Variants in SGCZ observed in about 807,000 individuals in gnomAD.
SGCZ encodes the protein zeta-sarcoglycan.
In SGCZ, 40 loss-of-function variants were observed where a neutral mutation model predicts 41.3. That is an observed-to-expected ratio of 0.97 (90% CI 0.75 to 1.26). The LOEUF is 1.26. Among genes scored for constraint, SGCZ ranks in the 50% most tolerant of loss-of-function variants. The probability of loss-of-function intolerance (pLI) is 0.00; values close to 1 mark genes in which losing one functional copy is unlikely to be tolerated. For missense variants in SGCZ, 552 were observed against 369.8 expected, an observed-to-expected ratio of 1.49 and a Z score of -4.04; for synonymous variants, 206 against 137.5, an observed-to-expected ratio of 1.50 and a Z score of -3.49.
chr8:14,164,302 A>G (rs1173958190), intron 5 of SGCZ, among the ~76,000 whole-genome samples: 1 of 151,908 alleles, frequency 6.6e-6, no homozygotes, highest in Non-Finnish European at 1.5e-5. Flanking sequence ...CAGAATTTGC[A>G]TTTCATCTCC....
At chr8:14,691,021 T>C (rs1327830530) in intron 1 of SGCZ, among the ~76,000 whole-genome samples, 2 of 152,172 alleles carry the variant, frequency 1.3e-5, no homozygotes, top group African/African-American at 2.4e-5. Flanking sequence ...GTGAAAGAAA[T>C]ACATGAAGGA....
chr8:14,587,266 T>C (rs969524117), intron 1 of SGCZ, among the ~76,000 whole-genome samples: 1 of 151,670 alleles, frequency 6.6e-6, no homozygotes. Context: ...TATAGCCAGA[T>C]TTTTAAAAAA....
rs907956256 is a variant in SGCZ at position 14,866,608 on chromosome 8, G to C, written c.40-311682C>G. 1.8e-4 allele frequency among the ~76,000 whole-genome samples: 28 copies of C among 151,900 alleles called. 1 individual carries two copies. The highest frequency in any genetic ancestry group is 8.8e-5 in the Non-Finnish European group (6 of 67,986). ...GTAGATCGCTTGAGTCCAGGAGTTT[G>C]AGACCAGCCTGGGCAACACAGCAAA... On this transcript the variant is annotated intron_variant, in intron 1 of 7. Coordinates refer to ENST00000382080, the MANE Select transcript of SGCZ (RefSeq NM_139167.4).
intron 1 of SGCZ, among the ~76,000 whole-genome samples, chr8:14,587,270 T>TA (rs1306936374): frequency 2.0e-5 from 3 of 151,298 alleles, no homozygotes; most frequent in African/African-American, 7.3e-5. Context: ...GCCAGATTTT[T>TA]AAAAAACTGA....
chr8:14,208,704 G>GT (rs35450837), intron 4 of SGCZ, among the ~76,000 whole-genome samples: 6,464 of 151,946 alleles, frequency 0.043, 159 homozygotes, highest in Middle Eastern at 0.068. Context: ...ACTGCTATTT[G>GT]TTTTTATCAT....
intron 1 of SGCZ, among the ~76,000 whole-genome samples, chr8:14,657,062 G>C (rs189374320): frequency 6.6e-6 from 1 of 151,928 alleles, no homozygotes; most frequent in Non-Finnish European, 1.5e-5. Flanking sequence ...AAACTATTGT[G>C]CGTCACTCAT....
chr8:14,465,128 A>C (rs1405821985), intron 2 of SGCZ, among the ~76,000 whole-genome samples: 4 of 151,526 alleles, frequency 2.6e-5, no homozygotes, highest in Non-Finnish European at 4.4e-5. Flanking sequence ...CTAATTCCTT[A>C]CTTCTGATGT....
intron 2 of SGCZ, among the ~76,000 whole-genome samples, chr8:14,507,097 T>C (rs1802328237): frequency 7.3e-6 from 1 of 136,344 alleles, no homozygotes; most frequent in Admixed American, 7.0e-5. Context: ...AACTCAAAAT[T>C]AACATGCCAA....
chr8:15,102,568 A>G (rs1454586), intron 1 of SGCZ, among the ~76,000 whole-genome samples: 134,532 of 152,224 alleles, frequency 0.88, 59,488 homozygotes, highest in African/African-American at 0.91. Flanking sequence ...TATAACAAGC[A>G]TACCACGCTA....
intron 4 of SGCZ, among the ~76,000 whole-genome samples, chr8:14,221,318 C>T (rs187074710): frequency 9.9e-5 from 15 of 152,246 alleles, no homozygotes; most frequent in Admixed American, 7.2e-4. Context: ...TTTGCCCTTA[C>T]GTATAAATTT....
intron 1 of SGCZ, among the ~76,000 whole-genome samples, chr8:14,610,364 A>T (rs1042382854): frequency 1.1e-4 from 17 of 152,188 alleles, no homozygotes; most frequent in Non-Finnish European, 2.5e-4. Flanking sequence ...GAGAGTCAGA[A>T]CTGAGAGGAT....
intron 1 of SGCZ, among the ~76,000 whole-genome samples, chr8:14,745,259 T>C (rs1799310087): frequency 6.6e-6 from 1 of 152,024 alleles, no homozygotes; most frequent in Non-Finnish European, 1.5e-5. Context: ...GCCACCCCCA[T>C]CTTAACCCAC....
At chr8:14,676,323 C>T (rs1016210465) in intron 1 of SGCZ, among the ~76,000 whole-genome samples, 46 of 126,952 alleles carry the variant, frequency 3.6e-4, no homozygotes, top group Non-Finnish European at 6.7e-4. Flanking sequence ...TAGAGAGATC[C>T]CACCTCTACA....
rs1188689544 is a variant in SGCZ, at chr8:14,227,681, C to A, written c.424+9911G>T. Among the ~76,000 whole-genome samples, 4 of 151,986 alleles carry A rather than the reference C, an allele frequency of 2.6e-5. No homozygotes were observed. The East Asian group carries it at 7.7e-4, about 29-fold the overall frequency. The stretch of plus-strand genomic sequence containing the variant: ...GAAGAGATTTGGGTAATACTGTTTC[C>A]TCATTATGAAATATATGTTGTCAGG... On this transcript the variant is annotated intron_variant, in intron 4 of 7. Coordinates refer to ENST00000382080, the MANE Select transcript of SGCZ (RefSeq NM_139167.4).
chr8:14,093,544 T>C (rs1225559117), intron 7 of SGCZ, among the ~76,000 whole-genome samples: 1 of 152,064 alleles, frequency 6.6e-6, no homozygotes, highest in African/African-American at 2.4e-5. Context: ...TTTTACTATT[T>C]CCTCAAACCG....
At chr8:15,142,254 T>C (rs560302163) in intron 1 of SGCZ, among the ~76,000 whole-genome samples, 7 of 152,174 alleles carry the variant, frequency 4.6e-5, no homozygotes, top group African/African-American at 7.2e-5. Flanking sequence ...CTAGAGTATG[T>C]TTAGGCAGGC....
intron 3 of SGCZ, among the ~76,000 whole-genome samples, chr8:14,296,583 A>G (rs1490191975): frequency 6.6e-6 from 1 of 152,200 alleles, no homozygotes; most frequent in African/African-American, 2.4e-5. Flanking sequence ...GAAGTTTAGA[A>G]AGGTGTAAAA....
intron 1 of SGCZ, among the ~76,000 whole-genome samples, chr8:14,643,507 A>G (rs1011220177): frequency 1.8e-4 from 27 of 151,600 alleles, no homozygotes; most frequent in Non-Finnish European, 3.5e-4. Flanking sequence ...GCAGATGCGA[A>G]GAAAGAAAGG....
At chr8:14,688,964 C>G (rs577595307) in intron 1 of SGCZ, among the ~76,000 whole-genome samples, 1 of 151,602 alleles carries the variant, frequency 6.6e-6, no homozygotes, top group African/African-American at 2.4e-5. Context: ...TCTTATACAC[C>G]AATAACAGAC....
Sources: allele counts gnomAD v4.1 joint callset (sites outside exome capture counted in the v4.1 genomes callset), GRCh38; gene constraint gnomAD v4.1.1; transcripts MANE v1.5; gene names NCBI Gene and HGNC (gene_info 2026-07-23, HGNC 2026-07-21).